The following LAMA4 variants were observed in gnomAD, a reference collection of about 807,000 sequenced individuals.
LAMA4 encodes the protein laminin subunit alpha-4.
In LAMA4, 127 loss-of-function variants were observed where a neutral mutation model predicts 207.1. The observed-to-expected ratio is 0.61, with a 90% confidence interval of 0.53 to 0.71. LAMA4 has a LOEUF of 0.71. LAMA4 is among the 30% of genes least tolerant of loss of function. LAMA4 has a pLI of 0.00. For missense variants in LAMA4, 2,093 were observed against 2,246.5 expected, an observed-to-expected ratio of 0.93 and a Z score of 1.38; for synonymous variants, 761 against 816.0, an observed-to-expected ratio of 0.93 and a Z score of 1.15.
chr6:112,132,621 C>T, intron 28 of LAMA4, 132 bp downstream of exon 28: 2 of 801,248 alleles, frequency 2.5e-6, no homozygotes, highest in Non-Finnish European at 4.0e-6. Context: ...TGAAATGAGG[C>T]ATTCTGTGTG....
chr6:112,125,932 G>C (rs566868519), intron 31 of LAMA4, among the ~76,000 whole-genome samples: 2 of 152,110 alleles, frequency 1.3e-5, no homozygotes, highest in East Asian at 3.8e-4. Flanking sequence ...CATTTTTCTT[G>C]GTAGCTATTT....
chr6:112,245,753 C>T lies in LAMA4; in HGVS notation c.195+8203G>A, dbSNP rs1786865522. 3.3e-5 allele frequency among the ~76,000 whole-genome samples: 5 copies of T among 152,254 alleles called. No individual in the cohort carries two copies. The South Asian group carries it at 1.0e-3, about 32-fold the overall frequency. On this transcript the variant is annotated intron_variant, in intron 2 of 38. Coordinates refer to ENST00000230538, the MANE Select transcript of LAMA4 (RefSeq NM_001105206.3). The stretch of plus-strand genomic sequence containing the variant: ...CATGAAGTAAAAAATGTGTATACTT[C>T]ACTCCATTTAGGTAAACACGGATCT...
intron 8 of LAMA4, among the ~76,000 whole-genome samples, chr6:112,185,881 C>CTTCCTGTCTGCCATAATGA: frequency 6.6e-6 from 1 of 152,280 alleles, no homozygotes; most frequent in Non-Finnish European, 1.5e-5. Flanking sequence ...TTGACACTGA[C>CTTCCTGTCTGCCATAATGA]TTCCTGTCTG....
chr6:112,198,045 C>T (rs983717842), intron 5 of LAMA4, among the ~76,000 whole-genome samples: 7 of 152,150 alleles, frequency 4.6e-5, no homozygotes, highest in Admixed American at 6.5e-5. Flanking sequence ...TCTTAGGTCA[C>T]GGTTTGAGAA....
At chr6:112,142,983 C>T (rs565380802) in intron 19 of LAMA4, among the ~76,000 whole-genome samples, 1 of 152,248 alleles carries the variant, frequency 6.6e-6, no homozygotes, top group African/African-American at 2.4e-5. Flanking sequence ...TCATAAGGTG[C>T]CTCTTATAAT....
intron 2 of LAMA4, 154 bp downstream of exon 2, chr6:112,253,800 ACT>A (rs1444654106): frequency 1.2e-6 from 2 of 1,613,924 alleles, no homozygotes; most frequent in African/African-American, 2.7e-5. Context: ...ACAAAGGAAA[ACT>A]CTTTATTTCA....
chr6:112,109,406 C>T lies in LAMA4; in HGVS notation c.*31G>A, dbSNP rs761421093. 18 of 1,612,874 alleles carry T rather than the reference C, an allele frequency of 1.1e-5. No individual in the cohort carries two copies. Among genetic ancestry groups the T allele is most frequent in the Non-Finnish European group, 1.5e-5 (18 of 1,179,774 alleles). ...GTGTTTCTTTCAGTGCTCTAAAGAA[C>T]TTTGTATTTGGGCAGCTGTGCTCTG... On this transcript the variant is annotated 3_prime_UTR_variant, in exon 39 of 39. Transcript: ENST00000230538.
intron 4 of LAMA4, among the ~76,000 whole-genome samples, chr6:112,202,661 G>A (rs1335981332): frequency 6.6e-6 from 1 of 152,202 alleles, no homozygotes; most frequent in East Asian, 1.9e-4. Flanking sequence ...GTGCTTCTCA[G>A]TGAAAGGCAA....
chr6:112,221,254 A>G (rs1380514784), intron 2 of LAMA4, among the ~76,000 whole-genome samples: 1 of 151,996 alleles, frequency 6.6e-6, no homozygotes, highest in Non-Finnish European at 1.5e-5. Flanking sequence ...GAAAGAACAC[A>G]CTCTACAGCC....
Position 112,141,424 on chromosome 6 carries a change from T to C in LAMA4, c.2747A>G (p.Glu916Gly). ...YVYNLGTKDVEIPLDSKPVSS... is the reference protein window; with the variant it reads ...YVYNLGTKDVGIPLDSKPVSS... ...GACGGGCTTGGAGTCCAGGGGAATC[T>C]CCACATCTTTAGTTCCCAAATTATA... Residue 916 changes from glutamate to glycine, a missense_variant, in exon 21 of 39, where the codon GAG (glutamate) becomes GGG (glycine). Coordinates refer to ENST00000230538, the MANE Select transcript of LAMA4 (RefSeq NM_001105206.3). 1 of 1,613,440 alleles carries C rather than the reference T, an allele frequency of 6.2e-7. No homozygotes were observed.
At chr6:112,149,688 C>G (rs896053697) in intron 17 of LAMA4, among the ~76,000 whole-genome samples, 1 of 152,078 alleles carries the variant, frequency 6.6e-6, no homozygotes, top group East Asian at 1.9e-4. Context: ...TTCATAGCAG[C>G]GTGAGAACGG....
At chr6:112,200,825 T>G (rs1554352164) in intron 5 of LAMA4, among the ~76,000 whole-genome samples, 3 of 151,684 alleles carry the variant, frequency 2.0e-5, no homozygotes, top group African/African-American at 7.3e-5. Context: ...AAGTGGGAGT[T>G]GAACAATGAG....
rs909596397 is a variant in LAMA4, at chr6:112,243,616, G to A, written c.195+10340C>T. Among the ~76,000 whole-genome samples, 6 of 152,252 alleles carry A rather than the reference G, an allele frequency of 3.9e-5. No homozygotes were observed. The South Asian group carries it at 1.0e-3, about 26-fold the overall frequency. ...CAGAAAGTTACAGACTCATAGTCTA[G>A]CTCTACTCAGCTCCATGAGAATCTC... On this transcript the variant is annotated intron_variant, in intron 2 of 38. Transcript: ENST00000230538.
Position 112,150,490 on chromosome 6 carries a change from TC to T in LAMA4, c.2173+20del, listed in dbSNP as rs1780332457. 1 of 1,460,798 alleles carries T rather than the reference TC, an allele frequency of 6.8e-7. No homozygotes were observed. Among genetic ancestry groups the T allele is most frequent in the Admixed American group, 1.7e-5 (1 of 59,840 alleles). 90.5% of individuals were successfully genotyped at this position (1,460,798 alleles called of 1,614,324 possible). Reference sequence around the variant, plus strand: ...CTCCAGTGAATCAACAGATGAGACTTCAATTCTCTCTGATGCTTACCTCTCT... The same window carrying T: ...CTCCAGTGAATCAACAGATGAGACTTAATTCTCTCTGATGCTTACCTCTCT... On this transcript the variant is annotated intron_variant, in intron 17 of 38. Coordinates refer to ENST00000230538, the MANE Select transcript of LAMA4 (RefSeq NM_001105206.3).
chr6:112,212,742 T>C (rs550805636), intron 3 of LAMA4, among the ~76,000 whole-genome samples: 22 of 152,350 alleles, frequency 1.4e-4, no homozygotes, highest in African/African-American at 5.3e-4. Flanking sequence ...ATTATGCACT[T>C]GATCTAGATA....
At chr6:112,130,254 A>C in intron 29 of LAMA4, 1 of 570,106 alleles carries the variant, frequency 1.8e-6, no homozygotes, top group Non-Finnish European at 3.1e-6. Flanking sequence ...TTGGAATTTA[A>C]ACCCGTAAGG....
At chr6:112,183,744 A>G (rs1162840641) in intron 9 of LAMA4, among the ~76,000 whole-genome samples, 6 of 152,054 alleles carry the variant, frequency 3.9e-5, no homozygotes, top group Admixed American at 3.3e-4. Context: ...TGAGGTCAAG[A>G]GTTTGAGACC....
intron 16 of LAMA4, chr6:112,154,622 T>C (rs1034761554): frequency 8.8e-6 from 5 of 565,210 alleles, no homozygotes; most frequent in South Asian, 4.3e-5. Flanking sequence ...GTATGTGAGA[T>C]AGCTATGTGT....
At position 112,187,462 on chromosome 6, in the gene LAMA4, G is replaced by A; in HGVS notation, c.954C>T (p.Ile318=). ...CATTCCTGCGTACTTTGAGGAGGTA[G>A]ATGGTGGCGTTGATTTCATTCACGT... The part of the protein sequence containing the change: ...HRHVNEINAT[I]YLLKTKLSER... Residue 318 remains isoleucine (I), a synonymous_variant, in exon 8 of 39, where the codon ATC becomes ATT. Transcript: ENST00000230538. 6.2e-7 allele frequency: 1 copy of A among 1,614,134 alleles called. No homozygotes were observed.
Sources: allele counts gnomAD v4.1 joint callset (sites outside exome capture counted in the v4.1 genomes callset), GRCh38; gene constraint gnomAD v4.1.1; transcripts MANE v1.5; gene names NCBI Gene and HGNC (gene_info 2026-07-23, HGNC 2026-07-21).